The following PTPN13 variants were observed in gnomAD, a reference collection of about 807,000 sequenced individuals.
The protein encoded by PTPN13 is protein tyrosine phosphatase non-receptor type 13.
A neutral mutation model predicts 284.0 loss-of-function variants in PTPN13; 191 were observed. The observed-to-expected ratio is 0.67, with a 90% CI of 0.60 to 0.76. The LOEUF (loss-of-function observed/expected upper bound fraction) is 0.76. Ranked by LOEUF, PTPN13 falls within the 30% of genes least tolerant of loss-of-function variation. The probability of loss-of-function intolerance (pLI) is 0.00; values close to 1 mark genes in which losing one functional copy is unlikely to be tolerated. For synonymous variants in PTPN13, 986 were observed against 1,022.3 expected (o/e 0.96, Z 0.68); for missense variants, 2,797 against 2,939.9 (o/e 0.95, Z 1.12).
At position 86,605,748 on chromosome 4, in the gene PTPN13, AC is replaced by A. The variant is rs749060772; in HGVS notation, c.-6+10960del. Among the ~76,000 whole-genome samples, 237 of 152,038 alleles carry A rather than the reference AC, an allele frequency of 1.6e-3. 3 individuals carry two copies. Among genetic ancestry groups the A allele is most frequent in the Non-Finnish European group, 2.7e-3 (184 of 67,822 alleles). On this transcript the variant is annotated intron_variant, in intron 1 of 47. Coordinates refer to ENST00000411767, the MANE Select transcript of PTPN13 (RefSeq NM_080683.3). ...AAATAAGATTTTATAGATAATTTAC[AC>A]TTAGTGATAGTATCTTCAGAAAGTG...
intron 28 of PTPN13, among the ~76,000 whole-genome samples, chr4:86,769,311 T>C (rs1739709244): frequency 6.6e-6 from 1 of 152,158 alleles, no homozygotes; most frequent in Admixed American, 6.5e-5. Flanking sequence ...TCCCCTTTTT[T>C]TGTCTGTTAT....
chr4:86,698,169 A>G (rs989341764), intron 6 of PTPN13, among the ~76,000 whole-genome samples: 2 of 152,184 alleles, frequency 1.3e-5, no homozygotes, highest in African/African-American at 2.4e-5. Flanking sequence ...TGTCTTTGAG[A>G]ATTTAAATAG....
In PTPN13 at chr4:86,716,606, T is replaced by C; in HGVS notation, c.1272T>C (p.Ser424=). The C allele has an allele frequency of 6.3e-7, 1 of 1,590,120 alleles. No individual in the cohort carries two copies. Among genetic ancestry groups the C allele is most frequent in the African/African-American group, 1.3e-5 (1 of 74,670 alleles). Residue 424 remains serine, a synonymous_variant, in exon 8 of 48, where the codon TCT becomes TCC. Coordinates refer to ENST00000411767, the MANE Select transcript of PTPN13 (RefSeq NM_080683.3). ...GTGAAAGTCCATCTATTATTTCCTC[T>C]GAATCAGATTTCAGACAAGGTAGGA... ...TSSESPSIIS[S]ESDFRQVRRS... is the part of the protein sequence containing the mutation.
chr4:86,677,714 TAG>T (rs2148913429), intron 3 of PTPN13, among the ~76,000 whole-genome samples: 2 of 152,110 alleles, frequency 1.3e-5, no homozygotes, highest in South Asian at 4.1e-4. Context: ...TATAGAAAGT[TAG>T]GTCTTTAAAT....
At chr4:86,711,458 A>G (rs764054755) in intron 7 of PTPN13, among the ~76,000 whole-genome samples, 4 of 152,172 alleles carry the variant, frequency 2.6e-5, no homozygotes, top group Non-Finnish European at 5.9e-5. Flanking sequence ...CCTATATGGT[A>G]CTTCTTTTTT....
chr4:86,648,532 A>G (rs1355785305), intron 2 of PTPN13, among the ~76,000 whole-genome samples: 1 of 152,126 alleles, frequency 6.6e-6, no homozygotes, highest in Non-Finnish European at 1.5e-5. Context: ...CTCCCGTTCC[A>G]TCCATGTTGT....
At chr4:86,790,652 C>CCTTA (rs1353905498) in intron 40 of PTPN13, among the ~76,000 whole-genome samples, 1 of 151,912 alleles carries the variant, frequency 6.6e-6, no homozygotes, top group Non-Finnish European at 1.5e-5. Context: ...AAGGATTCAC[C>CCTTA]CTTAGAAGGG....
chr4:86,799,072 A>G, intron 41 of PTPN13, 29 bp from the exon 42 acceptor site: 1 of 1,353,774 alleles, frequency 7.4e-7, no homozygotes, highest in East Asian at 2.5e-5. Context: ...AAATGAAGAA[A>G]ATGTTTCAAA....
intron 3 of PTPN13, among the ~76,000 whole-genome samples, chr4:86,686,164 C>G (rs562857542): frequency 1.3e-5 from 2 of 152,210 alleles, no homozygotes; most frequent in East Asian, 1.9e-4. Context: ...GAATTCAAGA[C>G]GAGCCTGGCC....
At chr4:86,637,224 A>T (rs1211414333) in intron 2 of PTPN13, among the ~76,000 whole-genome samples, 2 of 151,858 alleles carry the variant, frequency 1.3e-5, no homozygotes, top group East Asian at 1.9e-4. Flanking sequence ...GACCAGATGG[A>T]TTCACAGCCG....
chr4:86,726,110 T>C (rs151111666), intron 10 of PTPN13, among the ~76,000 whole-genome samples: 4,822 of 149,730 alleles, frequency 0.032, 403 homozygotes, highest in African/African-American at 0.11. Flanking sequence ...GTCAGGTTTG[T>C]CAAAGATCAG....
At chr4:86,713,032 A>G (rs1387983578) in intron 7 of PTPN13, among the ~76,000 whole-genome samples, 1 of 152,150 alleles carries the variant, frequency 6.6e-6, no homozygotes, top group Non-Finnish European at 1.5e-5. Context: ...ATAGCTGTGA[A>G]ACAGTAAATT....
intron 3 of PTPN13, among the ~76,000 whole-genome samples, chr4:86,681,107 G>C (rs1431922456): frequency 6.6e-6 from 1 of 152,164 alleles, no homozygotes; most frequent in Non-Finnish European, 1.5e-5. Context: ...AGCAGAGAGA[G>C]GGACACATAG....
intron 17 of PTPN13, among the ~76,000 whole-genome samples, chr4:86,746,270 A>C (rs1342368332): frequency 6.6e-6 from 1 of 152,204 alleles, no homozygotes; most frequent in Non-Finnish European, 1.5e-5. Flanking sequence ...TTAGAGATTA[A>C]AATTATACAA....
rs753924793 is a variant in PTPN13 at position 86,722,449 on chromosome 4, A to G, written c.1608+15A>G. 3 of 1,593,458 alleles carry G rather than the reference A, an allele frequency of 1.9e-6. No individual in the cohort carries two copies. Among genetic ancestry groups the G allele is most frequent in the African/African-American group, 2.7e-5 (2 of 74,556 alleles). Reference sequence around the variant, plus strand: ...GAAAACTGAGGGTAAGTTGATTCTCAGGTTACTACACATCTAAACCTGCTC... The same window carrying G: ...GAAAACTGAGGGTAAGTTGATTCTCGGGTTACTACACATCTAAACCTGCTC... On this transcript the variant is annotated intron_variant, in intron 10 of 47. Transcript: ENST00000411767.
In PTPN13 at chr4:86,658,829, C is replaced by T. The variant is rs373149936; in HGVS notation, c.116-13536C>T. 1.6e-4 allele frequency among the ~76,000 whole-genome samples: 25 copies of T among 151,962 alleles called. No homozygotes were observed. In the East Asian group the frequency reaches 2.9e-3, roughly 18 times the overall value. On this transcript the variant is annotated intron_variant, in intron 2 of 47. Coordinates refer to ENST00000411767, the MANE Select transcript of PTPN13 (RefSeq NM_080683.3). Reference sequence around the variant, plus strand: ...TCAAAATTTTAAAAAAAATTCTACACGTAGATTAATGGGATTGGAAATACA... The same window carrying T: ...TCAAAATTTTAAAAAAAATTCTACATGTAGATTAATGGGATTGGAAATACA...
In PTPN13 at chr4:86,671,305, G is replaced by T. The variant is rs190736416; in HGVS notation, c.116-1060G>T. ...GATACTGTATGATAAACTTTTCCAT[G>T]AACTTCTGTCAATGTCTTATCATTT... On this transcript the variant is annotated intron_variant, in intron 2 of 47. Transcript: ENST00000411767. Among the ~76,000 whole-genome samples, 36 of 152,232 alleles carry T rather than the reference G, an allele frequency of 2.4e-4. No homozygotes were observed. In the East Asian group the frequency reaches 6.8e-3, roughly 29 times the overall value.
chr4:86,747,373 C>T (rs1208485946), intron 17 of PTPN13, among the ~76,000 whole-genome samples: 2 of 152,234 alleles, frequency 1.3e-5, no homozygotes, highest in Middle Eastern at 3.4e-3. Context: ...TGAATTCATA[C>T]GTGTAGAATC....
At position 86,809,754 on chromosome 4, in the gene PTPN13, G is replaced by A. The variant is rs1745027178; in HGVS notation, c.7084-15G>A. On this transcript the variant is annotated splice_polypyrimidine_tract_variant and intron_variant, in intron 45 of 47. Transcript: ENST00000411767. ...TAACATGTCATGATCCACTTATTCT[G>A]TTATACAATTTCAGACCAGAGAGGT... 6.2e-7 allele frequency: 1 copy of A among 1,605,542 alleles called. No homozygotes were observed. Among genetic ancestry groups the A allele is most frequent in the South Asian group, 1.1e-5 (1 of 90,918 alleles).
Sources: gnomAD v4.1 joint callset for allele counts (sites outside exome capture counted in the v4.1 genomes callset) on GRCh38, gnomAD v4.1.1 for gene constraint, MANE v1.5 for transcripts, NCBI Gene and HGNC (gene_info 2026-07-23, HGNC 2026-07-21) for gene names.